The following TCHP variants were observed in gnomAD, a reference collection of about 807,000 sequenced individuals.
TCHP encodes the protein trichoplein keratin filament-binding protein.
TCHP carries 81 observed loss-of-function variants against 88.7 expected under a neutral mutation model. That is an observed-to-expected ratio of 0.91 (90% CI 0.76 to 1.10). TCHP has a LOEUF of 1.10. Among genes scored for constraint, TCHP ranks in the 50% least tolerant of loss-of-function variants. The pLI is 0.00. For synonymous variants in TCHP, 232 were observed against 232.5 expected (o/e 1.00, Z 0.02); for missense variants, 641 against 632.1 (o/e 1.01, Z -0.15).
At chr12:109,908,829 T>G (rs1870311910) in intron 7 of TCHP, 42 bp from the exon 8 acceptor site, 1 of 1,607,814 alleles carries the variant, frequency 6.2e-7, no homozygotes. Flanking sequence ...ATTTAATTCT[T>G]TCTGAGATAC....
intron 11 of TCHP, 134 bp downstream of exon 11, chr12:109,914,761 C>A: frequency 2.9e-6 from 2 of 678,324 alleles, no homozygotes; most frequent in Non-Finnish European, 5.0e-6. Flanking sequence ...CCGTTTCCAT[C>A]CCAGCTGCAG....
At chr12:109,915,629 C>T (rs1270935024) in intron 12 of TCHP, 83 bp downstream of exon 12, 5 of 1,459,298 alleles carry the variant, frequency 3.4e-6, no homozygotes, top group Admixed American at 2.4e-5. Flanking sequence ...GCTCATCGCC[C>T]CGCGCCGGGG....
At chr12:109,904,845 C>T (rs1201903678) in intron 4 of TCHP, 52 bp downstream of exon 4, 2 of 1,548,124 alleles carry the variant, frequency 1.3e-6, no homozygotes, top group Non-Finnish European at 1.8e-6. Context: ...AATCATGTTT[C>T]CAGACACTTT....
intron 11 of TCHP, 197 bp from the exon 12 acceptor site, chr12:109,915,206 G>C: frequency 1.4e-6 from 1 of 696,224 alleles, no homozygotes; most frequent in Non-Finnish European, 2.4e-6. Flanking sequence ...AGCCTCTCCA[G>C]CTTTCTATGA....
Position 109,905,630 on chromosome 12 carries a change from C to T in TCHP, c.456+837C>T, listed in dbSNP as rs894005669. Among the ~76,000 whole-genome samples, 4 of 152,142 alleles carry T rather than the reference C, an allele frequency of 2.6e-5. No homozygotes were observed. Among genetic ancestry groups the T allele is most frequent in the African/African-American group, 9.7e-5 (4 of 41,428 alleles). ...TCCCTCACTGTTATTCATTTATTTT[C>T]AACTTACAGTTTTTGTATACATTTG... On this transcript the variant is annotated intron_variant, in intron 4 of 12. Coordinates refer to ENST00000405876, the MANE Select transcript of TCHP (RefSeq NM_001143852.2). This position sits in a 1 kb window ranked among gnomAD's most constrained non-coding sequence, Gnocchi z 4.0.
chr12:109,900,116 A>G (rs1257117328), upstream of TCHP: 1 of 152,220 alleles, frequency 6.6e-6, no homozygotes, highest in African/African-American at 2.4e-5. Flanking sequence ...CACCATCCTG[A>G]AATACGTGTA....
the TCHP span, among the ~76,000 whole-genome samples, chr12:109,884,035 G>A: frequency 6.6e-6 from 1 of 152,090 alleles, no homozygotes; most frequent in African/African-American, 2.4e-5. Flanking sequence ...CCCATCAAAA[G>A]GGCACTATTA....
chr12:109,914,497 C>T lies in TCHP; in HGVS notation c.1190C>T (p.Ala397Val). 1 of 1,614,128 alleles carries T rather than the reference C, an allele frequency of 6.2e-7. No homozygotes were observed. The change falls in exon 11 of 13, where the codon GCA becomes GTA. Residue 397 changes from alanine (A) to valine (V), a missense_variant. Ala to Val is a moderately conservative substitution (Grantham distance 64, BLOSUM62 0). Coordinates refer to ENST00000405876, the MANE Select transcript of TCHP (RefSeq NM_001143852.2). The stretch of plus-strand genomic sequence containing the variant: ...GAGAAGATTGAGCAGAACCGACGGG[C>T]ACAAGAGGAATCCCTGAAACACAGG... Reference protein sequence around the residue: ...IQEKIEQNRRAQEESLKHREQ... With the variant: ...IQEKIEQNRRVQEESLKHREQ...
At chr12:109,886,889 A>G in the TCHP span, among the ~76,000 whole-genome samples, 1 of 151,636 alleles carries the variant, frequency 6.6e-6, no homozygotes, top group African/African-American at 2.4e-5. Context: ...TTGTATTTTT[A>G]GTAGAGATGG....
the TCHP span, among the ~76,000 whole-genome samples, chr12:109,893,970 G>A: frequency 6.6e-6 from 1 of 152,088 alleles, no homozygotes; most frequent in Non-Finnish European, 1.5e-5. Flanking sequence ...GATTACTTGA[G>A]GTCAGAAGTT....
chr12:109,906,702 G>GCATT, intron 5 of TCHP, 62 bp downstream of exon 5: 1 of 1,423,902 alleles, frequency 7.0e-7, no homozygotes, highest in South Asian at 1.2e-5. Context: ...TCACGTCTTT[G>GCATT]CATTCGTTTA....
chr12:109,895,799 C>T (rs1472913249), upstream of TCHP, among the ~76,000 whole-genome samples: 1 of 152,152 alleles, frequency 6.6e-6, no homozygotes, highest in Non-Finnish European at 1.5e-5. Flanking sequence ...TTTCTTCTCC[C>T]ATGCTAGGAT....
intron 1 of TCHP, among the ~76,000 whole-genome samples, chr12:109,902,507 A>G (rs1320129427): frequency 6.6e-6 from 1 of 151,480 alleles, no homozygotes; most frequent in Non-Finnish European, 1.5e-5. Flanking sequence ...GGAGTCTTGC[A>G]CTGTCGCCTA....
chr12:109,883,434 G>A, the TCHP span, among the ~76,000 whole-genome samples: 1 of 152,190 alleles, frequency 6.6e-6, no homozygotes, highest in Non-Finnish European at 1.5e-5. Context: ...GGAAGATAAA[G>A]CTAACATCAA....
chr12:109,915,106 C>T (rs1316408886), intron 11 of TCHP: 2 of 519,112 alleles, frequency 3.9e-6, no homozygotes, highest in East Asian at 7.2e-5. Flanking sequence ...ACCAGGTACA[C>T]ACAATGCATA....
At chr12:109,904,997 C>T (rs2280037) in intron 4 of TCHP, 147,718 of 568,136 alleles carry the variant, frequency 0.26, 21,662 homozygotes, top group South Asian at 0.47. Context: ...ATTGAACCTC[C>T]GCTGCCTGGT....
At chr12:109,904,354 A>G (rs1218805230) in intron 3 of TCHP, among the ~76,000 whole-genome samples, 3 of 152,202 alleles carry the variant, frequency 2.0e-5, no homozygotes, top group Non-Finnish European at 4.4e-5. Flanking sequence ...CAATCATTAC[A>G]TCTGAGTGCT....
rs532649350 is a variant in TCHP at position 109,917,411 on chromosome 12, G to C, written c.*788G>C. 6.6e-6 allele frequency: 1 copy of C among 152,300 alleles called. No individual in the cohort carries two copies. Among genetic ancestry groups the C allele is most frequent in the South Asian group, 2.1e-4 (1 of 4,840 alleles). 9.4% of individuals were successfully genotyped at this position (152,300 alleles called of 1,614,324 possible). On this transcript the variant is annotated 3_prime_UTR_variant, in exon 13 of 13. Coordinates refer to ENST00000405876, the MANE Select transcript of TCHP (RefSeq NM_001143852.2). The stretch of plus-strand genomic sequence containing the variant: ...GAGGATTGCTTGAGCCCAGGAGTTC[G>C]AGTCCAACCTGGGCAAAAGAGTGAG...
rs1204542601 is a variant in TCHP at position 109,903,972 on chromosome 12, A to G, written c.224A>G (p.Glu75Gly). ...HAYQREKMKEEKRRSLEARRE... is the reference protein window; with the variant it reads ...HAYQREKMKEGKRRSLEARRE... ...TATCAGCGGGAGAAGATGAAGGAGG[A>G]GAAGAGGAGGAGTCTGGAGGCCCGA... is the stretch of plus-strand genomic sequence containing the variant. The change falls in exon 3 of 13, where the codon GAG becomes GGG. Residue 75 changes from glutamate (E) to glycine (G), a missense_variant. Glu to Gly is a moderately conservative substitution (Grantham distance 98). Coordinates refer to ENST00000405876, the MANE Select transcript of TCHP (RefSeq NM_001143852.2). The surrounding 1 kb of genome is among the most constrained non-coding windows in gnomAD (Gnocchi z 4.6). 3.7e-6 allele frequency: 6 copies of G among 1,610,500 alleles called. No homozygotes were observed. The highest frequency in any genetic ancestry group is 1.7e-4 in the Middle Eastern group (1 of 5,748).
Sources: gnomAD v4.1 joint callset for allele counts (sites outside exome capture counted in the v4.1 genomes callset) on GRCh38, gnomAD v4.1.1 for gene constraint, Gnocchi (gnomAD v3.1) non-coding constraint, MANE v1.5 for transcripts, NCBI Gene and HGNC (gene_info 2026-07-23, HGNC 2026-07-21) for gene names.